The following CACNG7 variants were observed in gnomAD, a reference collection of about 807,000 sequenced individuals.
CACNG7 encodes voltage-dependent calcium channel gamma-7 subunit.
CACNG7 carries 9 observed loss-of-function variants against 26.3 expected under a neutral mutation model. The ratio of observed to expected loss-of-function variants is 0.34; its 90% CI spans 0.21 to 0.60. CACNG7 has a LOEUF of 0.60. CACNG7 is among the 20% of genes least tolerant of loss of function. The pLI is 0.81. For missense variants in CACNG7, 297 were observed against 380.4 expected, an observed-to-expected ratio of 0.78 and a Z score of 1.82; for synonymous variants, 170 against 157.0, an observed-to-expected ratio of 1.08 and a Z score of -0.62.
chr19:53,928,311 G>A (rs2069047506), intron 4 of CACNG7, among the ~76,000 whole-genome samples: 1 of 151,968 alleles, frequency 6.6e-6, no homozygotes, highest in Non-Finnish European at 1.5e-5. Flanking sequence ...TTGCTCTGTT[G>A]CCCAGGCTGG....
chr19:53,915,556 C>T (rs779755244), intron 4 of CACNG7, 51 bp downstream of exon 4: 4 of 1,602,480 alleles, frequency 2.5e-6, no homozygotes, highest in Non-Finnish European at 3.4e-6. Context: ...GTTCCAGGGA[C>T]CTGTGGTTCC....
In CACNG7 at chr19:53,923,626, T is replaced by C. The variant is rs1390360537; in HGVS notation, c.424+8121T>C. Among the ~76,000 whole-genome samples, 294 of 134,834 alleles carry C rather than the reference T, an allele frequency of 2.2e-3. 2 individuals carry two copies. The highest frequency in any genetic ancestry group is 0.011 in the East Asian group (40 of 3,694). 88.5% of individuals were successfully genotyped at this position (134,834 alleles called of 152,430 possible). A position where few individuals can be genotyped will look rare whatever the true frequency, so the allele number is the denominator to read the frequency against. On this transcript the variant is annotated intron_variant, in intron 4 of 5. Coordinates refer to ENST00000391767, the MANE Select transcript of CACNG7 (RefSeq NM_031896.5). Reference sequence around the variant, plus strand: ...GCCCCAGGTCTGGTCATTGGTGGAGTTGTCCCAGGTCTGGTCATTGGTGCA... The same window carrying C: ...GCCCCAGGTCTGGTCATTGGTGGAGCTGTCCCAGGTCTGGTCATTGGTGCA...
chr19:53,942,231 C>T lies in CACNG7; in HGVS notation c.766C>T (p.Gln256Ter). 1 of 1,613,984 alleles carries T rather than the reference C, an allele frequency of 6.2e-7. No individual in the cohort carries two copies. The highest frequency in any genetic ancestry group is 8.5e-7 in the Non-Finnish European group (1 of 1,179,956). The change falls in exon 6 of 6, where the codon CAG (glutamine) becomes TAG (stop). Residue 256 changes from glutamine to a stop codon, truncating the protein, a stop_gained. Coordinates refer to ENST00000391767, the MANE Select transcript of CACNG7 (RefSeq NM_031896.5). LOFTEE classifies it high-confidence loss of function. This position sits in a 1 kb window ranked among gnomAD's most constrained non-coding sequence, Gnocchi z 5.9. ...CAGCGACGTGTCCATCCAAATGACG[C>T]AGAACTACCCTCCCGCCATCAAGTA... ...ISSDVSIQMT[Q>*]NYPPAIKYPD...
intron 4 of CACNG7, among the ~76,000 whole-genome samples, chr19:53,929,033 C>T (rs112540613): frequency 1.7e-3 from 242 of 144,414 alleles, no homozygotes; most frequent in Non-Finnish European, 2.9e-3. Flanking sequence ...CACTTGAACC[C>T]GGGAGGCAGA....
chr19:53,917,194 C>T (rs764173793), intron 4 of CACNG7, among the ~76,000 whole-genome samples: 2 of 152,320 alleles, frequency 1.3e-5, no homozygotes, highest in Admixed American at 1.3e-4. Flanking sequence ...ATCAACTCAG[C>T]TCGAGTACAT....
chr19:53,929,668 G>C (rs1333832610), intron 4 of CACNG7, among the ~76,000 whole-genome samples: 1 of 152,032 alleles, frequency 6.6e-6, no homozygotes, highest in Admixed American at 6.6e-5. Flanking sequence ...TGTTGGCCAG[G>C]CTGGTCTCAA....
chr19:53,926,750 T>TA (rs142301101), intron 4 of CACNG7, among the ~76,000 whole-genome samples: 2,716 of 151,876 alleles, frequency 0.018, 74 homozygotes, highest in African/African-American at 0.061. Flanking sequence ...CTATCTCCAC[T>TA]AAAAATAGAA....
In CACNG7 at chr19:53,912,199, C is replaced by T. The variant is rs960130404; in HGVS notation, c.-29-604C>T. Among the ~76,000 whole-genome samples the T allele has an allele frequency of 6.6e-6, 1 of 152,100 alleles. No homozygotes were observed. Among genetic ancestry groups the T allele is most frequent in the African/African-American group, 2.4e-5 (1 of 41,412 alleles). ...TGGCTCAGAGTTGAGGTTATTGATC[C>T]TTGTTGGAGTCTGGTGTTCACAACC... On this transcript the variant is annotated intron_variant, in intron 1 of 5. Coordinates refer to ENST00000391767, the MANE Select transcript of CACNG7 (RefSeq NM_031896.5). The surrounding 1 kb of genome is among the most constrained non-coding windows in gnomAD (Gnocchi z 4.6).
intron 4 of CACNG7, among the ~76,000 whole-genome samples, chr19:53,922,421 T>TC (rs1288157704): frequency 3.4e-5 from 3 of 88,080 alleles, no homozygotes; most frequent in Non-Finnish European, 2.1e-5. Context: ...GGTGGAGTTG[T>TC]CCCAGGTCTG....
Position 53,939,241 on chromosome 19 carries a change from G to A in CACNG7, c.425-2229G>A, listed in dbSNP as rs187936060. 6.0e-3 allele frequency among the ~76,000 whole-genome samples: 916 copies of A among 152,312 alleles called. 16 individuals carry two copies. Among genetic ancestry groups the A allele is most frequent in the African/African-American group, 0.021 (867 of 41,580 alleles). On this transcript the variant is annotated intron_variant, in intron 4 of 5. Transcript: ENST00000391767. This position sits in a 1 kb window ranked among gnomAD's most constrained non-coding sequence, Gnocchi z 4.2. ...CCACTACACTCCAGCCTAGGTGACA[G>A]AGCAAGAATCTGTCTCAAAAAATTC...
In CACNG7 at chr19:53,909,694, C is replaced by G. The variant is rs1009736760; in HGVS notation, c.-30+177C>G. The stretch of plus-strand genomic sequence containing the variant: ...CAGGGACACCTGGGCCTGGCGATCC[C>G]GGAGGACGGGGTCCGAGGGTCCCGG... On this transcript the variant is annotated intron_variant, in intron 1 of 5. Coordinates refer to ENST00000391767, the MANE Select transcript of CACNG7 (RefSeq NM_031896.5). The surrounding 1 kb of genome is among the most constrained non-coding windows in gnomAD (Gnocchi z 5.1). 6.6e-6 allele frequency among the ~76,000 whole-genome samples: 1 copy of G among 152,132 alleles called. No individual in the cohort carries two copies. The highest frequency in any genetic ancestry group is 2.4e-5 in the African/African-American group (1 of 41,458).
chr19:53,917,486 C>T (rs1363569457), intron 4 of CACNG7, among the ~76,000 whole-genome samples: 5 of 152,174 alleles, frequency 3.3e-5, no homozygotes, highest in Admixed American at 1.3e-4. Context: ...CTCCTCCAGT[C>T]TCTGCTCCTC....
Position 53,915,624 on chromosome 19 carries a change from G to A in CACNG7, c.424+119G>A, listed in dbSNP as rs2068892335. The A allele has an allele frequency of 1.4e-5, 16 of 1,135,308 alleles. No individual in the cohort carries two copies. In the East Asian group the frequency reaches 4.1e-4, roughly 29 times the overall value. The allele number at this position is 1,135,308 out of a possible 1,614,324, so 70.3% of individuals were successfully genotyped here. On this transcript the variant is annotated intron_variant, in intron 4 of 5. Transcript: ENST00000391767. ...CTGGGAGGAGGTGCAGACCCTCTCT[G>A]AGCCCCACTTTCCTTCTATGTGCAA...
intron 4 of CACNG7, among the ~76,000 whole-genome samples, chr19:53,916,537 G>A (rs946567099): frequency 3.7e-5 from 5 of 136,792 alleles, no homozygotes; most frequent in Non-Finnish European, 7.6e-5. Context: ...TGCCCAGGCT[G>A]GAGTACAATG....
At chr19:53,936,278 A>G (rs77411721) in intron 4 of CACNG7, among the ~76,000 whole-genome samples, 2,782 of 152,220 alleles carry the variant, frequency 0.018, 82 homozygotes, top group African/African-American at 0.064. Flanking sequence ...CCCGTGGTGT[A>G]GGTCTGCCCT....
At position 53,939,509 on chromosome 19, in the gene CACNG7, T is replaced by C. The variant is rs1369662594; in HGVS notation, c.425-1961T>C. Among the ~76,000 whole-genome samples, 1 of 152,188 alleles carries C rather than the reference T, an allele frequency of 6.6e-6. No individual in the cohort carries two copies. Among genetic ancestry groups the C allele is most frequent in the East Asian group, 1.9e-4 (1 of 5,192 alleles). ...TCTGTGGATTTGCCTATTCTGGACA[T>C]TGCATATAAATGGAATCACACAATA... On this transcript the variant is annotated intron_variant, in intron 4 of 5. Transcript: ENST00000391767. This position sits in a 1 kb window ranked among gnomAD's most constrained non-coding sequence, Gnocchi z 4.2.
intron 4 of CACNG7, among the ~76,000 whole-genome samples, chr19:53,920,060 C>G (rs1165509262): frequency 1.5e-5 from 2 of 129,394 alleles, no homozygotes; most frequent in Non-Finnish European, 3.1e-5. Flanking sequence ...TGGACTTGCC[C>G]CAGGCTGGTC....
chr19:53,927,602 C>T (rs149462367), intron 4 of CACNG7, among the ~76,000 whole-genome samples: 3,581 of 152,150 alleles, frequency 0.024, 119 homozygotes, highest in African/African-American at 0.08. Flanking sequence ...CATTGGGAGG[C>T]CGAGGCAGGC....
rs763476586 is a variant in CACNG7 at position 53,912,994 on chromosome 19, C to G, written c.163C>G (p.His55Asp). Residue 55 changes from histidine to aspartate, a missense_variant, in exon 2 of 6, where the codon CAC becomes GAC. By Grantham distance (81) the His-to-Asp change is moderately conservative (BLOSUM62 -1). Transcript: ENST00000391767. The surrounding 1 kb of genome is among the most constrained non-coding windows in gnomAD (Gnocchi z 4.6). ...GACCACCGAGGTCAAGATGGCCCTGCACGCCGGCCTCTGGCGAGTCTGCTT... is the reference window on the plus strand; with the variant it reads ...GACCACCGAGGTCAAGATGGCCCTGGACGCCGGCCTCTGGCGAGTCTGCTT... ...NQTTEVKMAL[H>D]AGLWRVCFFA... The G allele has an allele frequency of 1.9e-6, 3 of 1,613,028 alleles. No homozygotes were observed. Among genetic ancestry groups the G allele is most frequent in the Non-Finnish European group, 8.5e-7 (1 of 1,179,112 alleles).
Sources: gnomAD v4.1 joint callset for allele counts (sites outside exome capture counted in the v4.1 genomes callset) on GRCh38, gnomAD v4.1.1 for gene constraint, Gnocchi (gnomAD v3.1) non-coding constraint, MANE v1.5 for transcripts, NCBI Gene and HGNC (gene_info 2026-07-23, HGNC 2026-07-21) for gene names.